The following ABLIM2 variants were observed in gnomAD, a reference collection of about 807,000 sequenced individuals.
ABLIM2 encodes the protein actin binding LIM protein family member 2.
ABLIM2 carries 53 observed loss-of-function variants against 97.7 expected under a neutral mutation model. The ratio of observed to expected loss-of-function variants is 0.54; its 90% CI spans 0.44 to 0.68. The LOEUF is 0.68. Ranked by LOEUF, ABLIM2 falls within the 30% of genes least tolerant of loss-of-function variation. The pLI, the probability that ABLIM2 is intolerant of heterozygous loss-of-function variation, is 0.00. For missense variants in ABLIM2, 835 were observed against 867.2 expected (o/e 0.96, Z 0.47); for synonymous variants, 361 against 345.8 (o/e 1.04, Z -0.49).
intron 1 of ABLIM2, among the ~76,000 whole-genome samples, chr4:8,133,376 C>T (rs1404771771): frequency 1.3e-5 from 2 of 151,948 alleles, no homozygotes; most frequent in Admixed American, 6.5e-5. Context: ...AACATGTCCC[C>T]ATTAAGGGAG....
At position 8,112,707 on chromosome 4, in the gene ABLIM2, ATTCTC is replaced by A; in HGVS notation, c.11-6075_11-6071del. On this transcript the variant is annotated intron_variant, in intron 1 of 20. Transcript: ENST00000447017. The surrounding 1 kb of genome is among the most constrained non-coding windows in gnomAD (Gnocchi z 4.2). ...AACAGCCACGGTCCCAGCCCTCGAC[ATTCTC>A]TTGTTTGTTCCATACCATGCCCCAC... 6.6e-6 allele frequency among the ~76,000 whole-genome samples: 1 copy of A among 152,284 alleles called. No individual in the cohort carries two copies. Among genetic ancestry groups the A allele is most frequent in the South Asian group, 2.1e-4 (1 of 4,822 alleles).
intron 14 of ABLIM2, among the ~76,000 whole-genome samples, 195 bp from the exon 15 acceptor site, chr4:8,009,297 T>C (rs1262508632): frequency 6.6e-6 from 1 of 152,170 alleles, no homozygotes; most frequent in Non-Finnish European, 1.5e-5. Flanking sequence ...CCAGGGAGCA[T>C]CAGCAGCAGG....
intron 8 of ABLIM2, among the ~76,000 whole-genome samples, chr4:8,052,365 G>C (rs762370275): frequency 9.2e-5 from 14 of 152,196 alleles, no homozygotes; most frequent in Non-Finnish European, 8.8e-5. Context: ...CTGCTGCCTT[G>C]CTCATCCCTG....
rs1809331670 is a variant in ABLIM2, at chr4:8,068,189, G to A, written c.676-7135C>T. Among the ~76,000 whole-genome samples, 1 of 152,214 alleles carries A rather than the reference G, an allele frequency of 6.6e-6. No individual in the cohort carries two copies. Among genetic ancestry groups the A allele is most frequent in the African/African-American group, 2.4e-5 (1 of 41,466 alleles). ...AGTGGGCGCACGGCTCCCCAGGCAG[G>A]CGGAAGTCCCACCCTCGCCCGCGTG... On this transcript the variant is annotated intron_variant, in intron 6 of 20. Transcript: ENST00000447017. This position sits in a 1 kb window ranked among gnomAD's most constrained non-coding sequence, Gnocchi z 4.5.
intron 1 of ABLIM2, among the ~76,000 whole-genome samples, chr4:8,135,511 G>A (rs1850058273): frequency 6.6e-6 from 1 of 152,216 alleles, no homozygotes; most frequent in African/African-American, 2.4e-5. Flanking sequence ...AGACCTCAGA[G>A]AGCTCCCTCG....
At chr4:8,088,832 G>C (rs1394939272) in intron 3 of ABLIM2, among the ~76,000 whole-genome samples, 1 of 152,184 alleles carries the variant, frequency 6.6e-6, no homozygotes, top group Non-Finnish European at 1.5e-5. Flanking sequence ...GGAGTTCAGA[G>C]AGGATATGTA....
intron 20 of ABLIM2, among the ~76,000 whole-genome samples, chr4:7,980,941 A>ATCTTTTTTTTTTTTTTT (rs1483414043): frequency 6.0e-5 from 5 of 82,986 alleles, no homozygotes; most frequent in African/African-American, 1.7e-4. Flanking sequence ...ACAACCCCTT[A>ATCTTTTTTTTTTTTTTT]TTTTTTTTTT....
chr4:8,032,651 G>A lies in ABLIM2; in HGVS notation c.1048-2875C>T, dbSNP rs369004320. On this transcript the variant is annotated intron_variant, in intron 10 of 20. Coordinates refer to ENST00000447017, the MANE Select transcript of ABLIM2 (RefSeq NM_001130083.2). This position sits in a 1 kb window ranked among gnomAD's most constrained non-coding sequence, Gnocchi z 4.3. ...CAGGCGAGAGGGTGGTGGTTACCTCGGTCGGCGTTGGCGAGAGCAACTGAG... is the reference window on the plus strand; with the variant it reads ...CAGGCGAGAGGGTGGTGGTTACCTCAGTCGGCGTTGGCGAGAGCAACTGAG... 55 of 1,612,370 alleles carry A rather than the reference G, an allele frequency of 3.4e-5. 1 individual carries two copies. The highest frequency in any genetic ancestry group is 5.5e-5 in the South Asian group (5 of 91,064).
At chr4:7,985,670 T>C (rs1743309127) in intron 17 of ABLIM2, among the ~76,000 whole-genome samples, 1 of 152,118 alleles carries the variant, frequency 6.6e-6, no homozygotes, top group Non-Finnish European at 1.5e-5. Flanking sequence ...ACCTGGCATG[T>C]TGTAAGTACC....
rs1323974835 is a variant in ABLIM2 at position 8,021,187 on chromosome 4, A to T, written c.1268-884T>A. Among the ~76,000 whole-genome samples the T allele has an allele frequency of 2.6e-5, 4 of 152,020 alleles. No homozygotes were observed. Among genetic ancestry groups the T allele is most frequent in the Admixed American group, 6.6e-5 (1 of 15,262 alleles). ...CTTAAATACAACTGCTTTTTGGCAA[A>T]TTAAATGGAAAGCATCCTCTGACCC... On this transcript the variant is annotated intron_variant, in intron 12 of 20. Transcript: ENST00000447017. This position sits in a 1 kb window ranked among gnomAD's most constrained non-coding sequence, Gnocchi z 5.5.
chr4:8,044,678 T>TCC lies in ABLIM2; in HGVS notation c.900+485_900+486insGG. Among the ~76,000 whole-genome samples, 1 of 150,250 alleles carries TCC rather than the reference T, an allele frequency of 6.7e-6. No individual in the cohort carries two copies. The highest frequency in any genetic ancestry group is 2.5e-5 in the African/African-American group (1 of 40,472). ...CACACACACACACAGAGTCTCTCTCTCTCTCTCTCTCTCGAACGAACGAAA... is the reference window on the plus strand; with the variant it reads ...CACACACACACACAGAGTCTCTCTCTCCCTCTCTCTCTCTCGAACGAACGAAA... On this transcript the variant is annotated intron_variant, in intron 9 of 20. Transcript: ENST00000447017. The surrounding 1 kb of genome is among the most constrained non-coding windows in gnomAD (Gnocchi z 4.4).
At chr4:8,012,023 C>T (rs1231042809) in intron 14 of ABLIM2, among the ~76,000 whole-genome samples, 1 of 152,160 alleles carries the variant, frequency 6.6e-6, no homozygotes, top group Non-Finnish European at 1.5e-5. Context: ...CATGCACCCA[C>T]TCCTTTAACT....
chr4:8,093,173 T>G (rs916427972), intron 3 of ABLIM2, among the ~76,000 whole-genome samples: 11 of 152,164 alleles, frequency 7.2e-5, no homozygotes, highest in African/African-American at 2.7e-4. Flanking sequence ...TTAACAGTAT[T>G]TTGGGTCTTA....
In ABLIM2 at chr4:7,996,524, G is replaced by A. The variant is rs1283602325; in HGVS notation, c.1619-3597C>T. Among the ~76,000 whole-genome samples, 1 of 152,200 alleles carries A rather than the reference G, an allele frequency of 6.6e-6. No homozygotes were observed. Among genetic ancestry groups the A allele is most frequent in the Non-Finnish European group, 1.5e-5 (1 of 68,044 alleles). On this transcript the variant is annotated intron_variant, in intron 16 of 20. Coordinates refer to ENST00000447017, the MANE Select transcript of ABLIM2 (RefSeq NM_001130083.2). This position sits in a 1 kb window ranked among gnomAD's most constrained non-coding sequence, Gnocchi z 4.5. The stretch of plus-strand genomic sequence containing the variant: ...CTTTGACTATGATAGTCTCAGGGAC[G>A]TCTTCTGTTTCCCCTGAGCACCCGT...
intron 16 of ABLIM2, among the ~76,000 whole-genome samples, chr4:8,000,660 TGA>T (rs1166379894): frequency 1.3e-5 from 2 of 152,058 alleles, no homozygotes; most frequent in Non-Finnish European, 1.5e-5. Context: ...CCCCACAGAA[TGA>T]ATGCTGGGTC....
At chr4:8,107,871 C>T (rs548871200) in intron 1 of ABLIM2, among the ~76,000 whole-genome samples, 2 of 152,200 alleles carry the variant, frequency 1.3e-5, no homozygotes, top group South Asian at 4.1e-4. Context: ...GCGGCTGTGG[C>T]CAGAGGGAGG....
Position 8,002,454 on chromosome 4 carries a change from G to A in ABLIM2, c.1618+5605C>T, listed in dbSNP as rs549323145. On this transcript the variant is annotated intron_variant, in intron 16 of 20. Transcript: ENST00000447017. This position sits in a 1 kb window ranked among gnomAD's most constrained non-coding sequence, Gnocchi z 6.1. Reference sequence around the variant, plus strand: ...GCCCTTTTCCTCTCGCCCTGACTGGGCAGCCTCCAGTCCACCGTCTATGCA... The same window carrying A: ...GCCCTTTTCCTCTCGCCCTGACTGGACAGCCTCCAGTCCACCGTCTATGCA... 5.7e-4 allele frequency among the ~76,000 whole-genome samples: 87 copies of A among 152,252 alleles called. 2 individuals are homozygous for A. Among genetic ancestry groups the A allele is most frequent in the Admixed American group, 5.6e-3 (86 of 15,298 alleles).
chr4:8,067,329 C>T lies in ABLIM2; in HGVS notation c.676-6275G>A, dbSNP rs999023414. ...GCACAGACACAGGAAAAGGAAGGGT[C>T]GCAGAGCTCCTAGTGAGCTGGGGGC... On this transcript the variant is annotated intron_variant, in intron 6 of 20. Transcript: ENST00000447017. The surrounding 1 kb of genome is among the most constrained non-coding windows in gnomAD (Gnocchi z 5.4). 1.3e-5 allele frequency: 2 copies of T among 152,458 alleles called. No individual in the cohort carries two copies. The highest frequency in any genetic ancestry group is 2.4e-5 in the African/African-American group (1 of 41,476). 9.4% of individuals were successfully genotyped at this position (152,458 alleles called of 1,614,324 possible). A position where few individuals can be genotyped will look rare whatever the true frequency, so the allele number is the denominator to read the frequency against.
intron 1 of ABLIM2, among the ~76,000 whole-genome samples, chr4:8,138,566 C>T (rs1578472160): frequency 6.6e-6 from 1 of 152,244 alleles, no homozygotes; most frequent in African/African-American, 2.4e-5. Flanking sequence ...AATTAGACCA[C>T]ACATACACAA....
Sources: gnomAD v4.1 joint callset for allele counts (sites outside exome capture counted in the v4.1 genomes callset) on GRCh38, gnomAD v4.1.1 for gene constraint, Gnocchi (gnomAD v3.1) non-coding constraint, MANE v1.5 for transcripts, NCBI Gene and HGNC (gene_info 2026-07-23, HGNC 2026-07-21) for gene names.